The following ASAP2 variants were observed in gnomAD, a reference collection of about 807,000 sequenced individuals.
ASAP2 encodes arf-GAP with SH3 domain, ANK repeat and PH domain-containing protein 2.
A neutral mutation model predicts 131.4 loss-of-function variants in ASAP2; 45 were observed. The observed-to-expected ratio is 0.34, with a 90% CI of 0.27 to 0.44. The LOEUF is 0.44. ASAP2 is among the 20% of genes least tolerant of loss of function. The pLI, the probability that ASAP2 is intolerant of heterozygous loss-of-function variation, is 1.00. For synonymous variants in ASAP2, 510 were observed against 503.0 expected, an observed-to-expected ratio of 1.01 and a Z score of -0.19; for missense variants, 1,011 against 1,297.0, an observed-to-expected ratio of 0.78 and a Z score of 3.39.
chr2:9,287,871 A>G (rs1009173386), intron 2 of ASAP2, among the ~76,000 whole-genome samples: 7 of 152,266 alleles, frequency 4.6e-5, no homozygotes, highest in African/African-American at 1.7e-4. Flanking sequence ...GAAGGAGGGT[A>G]CCTCTGAAGG....
At chr2:9,223,985 GA>G (rs1375153326) in intron 1 of ASAP2, among the ~76,000 whole-genome samples, 1 of 152,220 alleles carries the variant, frequency 6.6e-6, no homozygotes, top group Non-Finnish European at 1.5e-5. Flanking sequence ...TAGTATCCAT[GA>G]AAATAGTTTT....
chr2:9,316,430 C>T (rs1381119697), intron 3 of ASAP2, among the ~76,000 whole-genome samples: 1 of 152,104 alleles, frequency 6.6e-6, no homozygotes, highest in African/African-American at 2.4e-5. Context: ...CTTTCCTTTG[C>T]TTGATGGTAT....
At chr2:9,273,618 C>T (rs1040257272) in intron 1 of ASAP2, among the ~76,000 whole-genome samples, 1 of 152,112 alleles carries the variant, frequency 6.6e-6, no homozygotes, top group Non-Finnish European at 1.5e-5. Context: ...TTTGGTGGGT[C>T]AGGGCCAGTG....
At chr2:9,301,105 A>G (rs1469403054) in intron 3 of ASAP2, among the ~76,000 whole-genome samples, 1 of 152,220 alleles carries the variant, frequency 6.6e-6, no homozygotes, top group African/African-American at 2.4e-5. Context: ...TTTTGGTCAC[A>G]TCTGGCTTAT....
At chr2:9,285,403 C>T (rs933967369) in intron 2 of ASAP2, among the ~76,000 whole-genome samples, 1 of 152,180 alleles carries the variant, frequency 6.6e-6, no homozygotes, top group African/African-American at 2.4e-5. Context: ...GCATGTCCCA[C>T]GTGTATACAA....
intron 1 of ASAP2, among the ~76,000 whole-genome samples, chr2:9,219,301 C>T (rs573839571): frequency 6.6e-6 from 1 of 152,178 alleles, no homozygotes; most frequent in Non-Finnish European, 1.5e-5. Flanking sequence ...CCCTGTGATT[C>T]GGTTGTGTTT....
rs1661188783 is a variant in ASAP2, at chr2:9,207,347, G to A, written c.126+117G>A. The A allele has an allele frequency of 7.4e-6, 10 of 1,352,024 alleles. No homozygotes were observed. The highest frequency in any genetic ancestry group is 9.7e-6 in the Non-Finnish European group (10 of 1,034,970). The allele number at this position is 1,352,024 out of a possible 1,614,324, so 83.8% of individuals were successfully genotyped here. On this transcript the variant is annotated intron_variant, in intron 1 of 27. Transcript: ENST00000281419. This position sits in a 1 kb window ranked among gnomAD's most constrained non-coding sequence, Gnocchi z 4.1. Reference sequence around the variant, plus strand: ...TTTGCTCCGAAGCCGGACGCGGCCGGGCCAACCCTGCCCGAGACAGAAGCC... The same window carrying A: ...TTTGCTCCGAAGCCGGACGCGGCCGAGCCAACCCTGCCCGAGACAGAAGCC...
At chr2:9,226,201 T>C (rs78960434) in intron 1 of ASAP2, among the ~76,000 whole-genome samples, 2,452 of 152,328 alleles carry the variant, frequency 0.016, 55 homozygotes, top group African/African-American at 0.056. Context: ...ATCAACATTA[T>C]AATAAAACTC....
In ASAP2 at chr2:9,404,814, T is replaced by C. The variant is rs1454720966; in HGVS notation, c.*1487T>C. On this transcript the variant is annotated 3_prime_UTR_variant, in exon 28 of 28. Coordinates refer to ENST00000281419, the MANE Select transcript of ASAP2 (RefSeq NM_003887.3). ...GAACAAACTGGAATGTTTTATGATGTTGTATAGCAATCGCTTTTTACCTTT... is the reference window on the plus strand; with the variant it reads ...GAACAAACTGGAATGTTTTATGATGCTGTATAGCAATCGCTTTTTACCTTT... 6.6e-6 allele frequency: 1 copy of C among 152,566 alleles called. No individual in the cohort carries two copies. The highest frequency in any genetic ancestry group is 1.5e-5 in the Non-Finnish European group (1 of 68,038). The allele number at this position is 152,566 out of a possible 1,614,324, so 9.5% of individuals were successfully genotyped here.
chr2:9,403,340 C>G lies in ASAP2; in HGVS notation c.*13C>G, dbSNP rs1676914301. 3.1e-6 allele frequency: 5 copies of G among 1,612,648 alleles called. No individual in the cohort carries two copies. The highest frequency in any genetic ancestry group is 4.2e-6 in the Non-Finnish European group (5 of 1,178,808). ...TATCGCTGACTGAATTGCTACTGAA[C>G]AAAAGCATTAACAGTTATGTTCCTG... On this transcript the variant is annotated 3_prime_UTR_variant, in exon 28 of 28. Coordinates refer to ENST00000281419, the MANE Select transcript of ASAP2 (RefSeq NM_003887.3).
chr2:9,272,960 ATAATT>A (rs1311657612), intron 1 of ASAP2, among the ~76,000 whole-genome samples: 2 of 152,300 alleles, frequency 1.3e-5, no homozygotes, highest in African/African-American at 4.8e-5. Context: ...GCTCTATAGT[ATAATT>A]TAAGTAAGGT....
intron 3 of ASAP2, among the ~76,000 whole-genome samples, chr2:9,309,723 A>ATTCCCAATACAC (rs1669171760): frequency 6.6e-6 from 1 of 152,226 alleles, no homozygotes; most frequent in African/African-American, 2.4e-5. Flanking sequence ...GTTTGCGTTG[A>ATTCCCAATACAC]TGGGAATAGT....
At chr2:9,329,119 T>A (rs1243665961) in intron 7 of ASAP2, among the ~76,000 whole-genome samples, 2 of 151,998 alleles carry the variant, frequency 1.3e-5, no homozygotes, top group African/African-American at 4.8e-5. Context: ...AGCCGGCAGA[T>A]AAGGAGTGGG....
intron 1 of ASAP2, among the ~76,000 whole-genome samples, chr2:9,221,641 T>A (rs1662426267): frequency 6.6e-6 from 1 of 152,226 alleles, no homozygotes; most frequent in South Asian, 2.1e-4. Flanking sequence ...TTTTGTATAT[T>A]GATCTTATGG....
In ASAP2 at chr2:9,245,283, G is replaced by A. The variant is rs11689214; in HGVS notation, c.127-34034G>A. Among the ~76,000 whole-genome samples, 993 of 152,266 alleles carry A rather than the reference G, an allele frequency of 6.5e-3. 12 individuals are homozygous for A. Among genetic ancestry groups the A allele is most frequent in the African/African-American group, 0.023 (955 of 41,542 alleles). ...TTGGTGTGACTATCGAATTGTCAGT[G>A]CCAGTGTGTTGCTGCCGTGGCTGTT... On this transcript the variant is annotated intron_variant, in intron 1 of 27. Coordinates refer to ENST00000281419, the MANE Select transcript of ASAP2 (RefSeq NM_003887.3).
rs35913703 is a variant in ASAP2 at position 9,270,785 on chromosome 2, A to ATTTTTT, written c.127-8512_127-8507dup. ...AGTCTCCATGAGTTCAATTGTTTTCATTTTTTTTTTTTTTTTTTTTTTTTT... is the reference window on the plus strand; with the variant it reads ...AGTCTCCATGAGTTCAATTGTTTTCATTTTTTTTTTTTTTTTTTTTTTTTTTTTTTT... On this transcript the variant is annotated intron_variant, in intron 1 of 27. Transcript: ENST00000281419. Among the ~76,000 whole-genome samples, 23 of 52,928 alleles carry ATTTTTT rather than the reference A, an allele frequency of 4.3e-4. 2 individuals carry two copies. Among genetic ancestry groups the ATTTTTT allele is most frequent in the East Asian group, 9.9e-4 (2 of 2,026 alleles). The allele number at this position is 52,928 out of a possible 152,430, so 34.7% of individuals were successfully genotyped here.
intron 23 of ASAP2, among the ~76,000 whole-genome samples, chr2:9,391,420 C>T (rs960716700): frequency 6.6e-5 from 10 of 152,164 alleles, no homozygotes; most frequent in Admixed American, 6.5e-4. Flanking sequence ...GTAGCTTCCT[C>T]ACTCCCTTCC....
At chr2:9,341,987 T>C (rs975383070) in intron 9 of ASAP2, among the ~76,000 whole-genome samples, 3 of 152,130 alleles carry the variant, frequency 2.0e-5, no homozygotes, top group Admixed American at 2.0e-4. Context: ...ATTGCTCACG[T>C]GGAGTTTTTT....
rs114656346 is a variant in ASAP2 at position 9,367,798 on chromosome 2, C to G, written c.1462-627C>G. On this transcript the variant is annotated intron_variant, in intron 15 of 27. Coordinates refer to ENST00000281419, the MANE Select transcript of ASAP2 (RefSeq NM_003887.3). The stretch of plus-strand genomic sequence containing the variant: ...TGTGTTAATTTAATGTTTAACATGT[C>G]AGAAGATTGATTGGCAAGTAAAGAC... Among the ~76,000 whole-genome samples, 1,470 of 152,310 alleles carry G rather than the reference C, an allele frequency of 9.7e-3. 13 individuals carry two copies. The highest frequency in any genetic ancestry group is 0.018 in the South Asian group (89 of 4,828).
Sources: allele counts gnomAD v4.1 joint callset (sites outside exome capture counted in the v4.1 genomes callset), GRCh38; gene constraint gnomAD v4.1.1; non-coding constraint Gnocchi (gnomAD v3.1); transcripts MANE v1.5; gene names NCBI Gene and HGNC (gene_info 2026-07-23, HGNC 2026-07-21).